Variants in SNX2 observed in about 807,000 individuals in gnomAD.
The protein encoded by SNX2 is sorting nexin-2.
In SNX2, 25 loss-of-function variants were observed where a neutral mutation model predicts 69.9. That is an observed-to-expected ratio of 0.36 (90% confidence interval 0.26 to 0.50). The LOEUF (loss-of-function observed/expected upper bound fraction) is 0.50, where lower values mean the gene tolerates loss of function less well. Among genes scored for constraint, SNX2 ranks in the 20% least tolerant of loss-of-function variants. The pLI is 0.97. For missense variants in SNX2, 551 were observed against 613.3 expected, an observed-to-expected ratio of 0.90 and a Z score of 1.07; for synonymous variants, 229 against 200.4, an observed-to-expected ratio of 1.14 and a Z score of -1.20.
chr5:122,799,000 G>T (rs1753449803), intron 2 of SNX2, among the ~76,000 whole-genome samples: 1 of 152,074 alleles, frequency 6.6e-6, no homozygotes, highest in Non-Finnish European at 1.5e-5. Flanking sequence ...CTGAGGGCAG[G>T]TATGATATTT....
chr5:122,785,898 T>C (rs906231940), intron 1 of SNX2, among the ~76,000 whole-genome samples: 3 of 152,224 alleles, frequency 2.0e-5, no homozygotes, highest in Non-Finnish European at 4.4e-5. Context: ...TCAAGTTGGT[T>C]GATATTTTTC....
At chr5:122,806,797 T>G (rs1753668592) in intron 6 of SNX2, among the ~76,000 whole-genome samples, 1 of 152,056 alleles carries the variant, frequency 6.6e-6, no homozygotes, top group Non-Finnish European at 1.5e-5. Flanking sequence ...GTAGTTGTAG[T>G]TTTAGGTGTC....
In SNX2 at chr5:122,806,142, G is replaced by GCGCACACACACACACACACACACACA; in HGVS notation, c.644-2134_644-2133insGCACACACACACACACACACACACAC. Among the ~76,000 whole-genome samples the GCGCACACACACACACACACACACACA allele has an allele frequency of 1.4e-3, 182 of 130,640 alleles. 1 individual carries two copies. Among genetic ancestry groups the GCGCACACACACACACACACACACACA allele is most frequent in the Non-Finnish European group, 2.2e-3 (137 of 61,008 alleles). 85.7% of individuals were successfully genotyped at this position (130,640 alleles called of 152,430 possible). ...TGTGTATATATATACACACGCGCGC[G>GCGCACACACACACACACACACACACA]CACACACACACACACACACACACAC... On this transcript the variant is annotated intron_variant, in intron 6 of 14. Coordinates refer to ENST00000379516, the MANE Select transcript of SNX2 (RefSeq NM_003100.4).
chr5:122,820,724 A>G (rs530193661), intron 11 of SNX2, among the ~76,000 whole-genome samples: 2 of 152,244 alleles, frequency 1.3e-5, no homozygotes, highest in South Asian at 4.1e-4. Flanking sequence ...AATATTTTCT[A>G]TAGAACACTG....
At chr5:122,786,085 T>C (rs1211593135) in intron 1 of SNX2, among the ~76,000 whole-genome samples, 1 of 152,246 alleles carries the variant, frequency 6.6e-6, no homozygotes, top group East Asian at 1.9e-4. Context: ...TTTGTCTTCT[T>C]GGTAAATTGA....
At chr5:122,823,642 A>C (rs187295004) in intron 11 of SNX2, among the ~76,000 whole-genome samples, 31 of 152,306 alleles carry the variant, frequency 2.0e-4, no homozygotes, top group African/African-American at 6.7e-4. Flanking sequence ...AATGAAGAAA[A>C]GATATGGCCC....
At chr5:122,781,169 A>G (rs1283060071) in intron 1 of SNX2, among the ~76,000 whole-genome samples, 1 of 151,986 alleles carries the variant, frequency 6.6e-6, no homozygotes, top group East Asian at 1.9e-4. Context: ...TCTTGAAGAG[A>G]TTTTCTTAGC....
chr5:122,786,870 A>G (rs1753102994), intron 1 of SNX2, among the ~76,000 whole-genome samples: 1 of 152,030 alleles, frequency 6.6e-6, no homozygotes, highest in Admixed American at 6.6e-5. Flanking sequence ...TCTTGTTTGG[A>G]ATCCAAAGTG....
Position 122,822,413 on chromosome 5 carries a change from C to G in SNX2, c.1212+3390C>G, listed in dbSNP as rs890401897. Reference sequence around the variant, plus strand: ...TTTCTTTTTCTGTGAATGAACTCTTCATGTCCTTTGCCCAGTTTTTGTTTG... The same window carrying G: ...TTTCTTTTTCTGTGAATGAACTCTTGATGTCCTTTGCCCAGTTTTTGTTTG... On this transcript the variant is annotated intron_variant, in intron 11 of 14. Transcript: ENST00000379516. 5.9e-5 allele frequency among the ~76,000 whole-genome samples: 9 copies of G among 152,156 alleles called. No individual in the cohort carries two copies. The South Asian group carries it at 1.9e-3, about 32-fold the overall frequency.
chr5:122,811,006 C>A (rs1186452391), intron 7 of SNX2, among the ~76,000 whole-genome samples: 1 of 152,106 alleles, frequency 6.6e-6, no homozygotes, highest in Non-Finnish European at 1.5e-5. Context: ...TTCATATAGC[C>A]AGCTTTTCTA....
intron 7 of SNX2, among the ~76,000 whole-genome samples, chr5:122,810,641 G>A (rs1753752791): frequency 6.6e-6 from 1 of 152,098 alleles, no homozygotes; most frequent in African/African-American, 2.4e-5. Context: ...GCATTGCATA[G>A]TACTTACCAT....
At chr5:122,801,652 C>CATGTGTGTGTGTGTGTGTGTGT (rs113836294) in intron 3 of SNX2, among the ~76,000 whole-genome samples, 9 of 132,120 alleles carry the variant, frequency 6.8e-5, no homozygotes, top group African/African-American at 2.4e-4. Context: ...TGGTCTTTTT[C>CATGTGTGTGTGTGTGTGTGTGT]GTGTGTGTGT....
At chr5:122,803,122 T>G (rs79198099) in intron 5 of SNX2, among the ~76,000 whole-genome samples, 5,863 of 152,240 alleles carry the variant, frequency 0.039, 184 homozygotes, top group East Asian at 0.1. Flanking sequence ...TAGGGTAAGT[T>G]TGAAGTGCTG....
At chr5:122,828,901 C>G (rs760774423) in intron 14 of SNX2, among the ~76,000 whole-genome samples, 2 of 152,008 alleles carry the variant, frequency 1.3e-5, no homozygotes, top group Non-Finnish European at 2.9e-5. Flanking sequence ...GGTGGATCAC[C>G]TGAGGTCAGG....
In SNX2 at chr5:122,833,489, TTATAA is replaced by T. The variant is rs1754341438; in HGVS notation, c.*3842_*3846del. The stretch of plus-strand genomic sequence containing the variant: ...TAATATGTAATCCAATATATTGAAG[TTATAA>T]GATATTTTACATTCTTTTTTTGATA... On this transcript the variant is annotated 3_prime_UTR_variant, in exon 15 of 15. Transcript: ENST00000379516. 1 of 149,680 alleles carries T rather than the reference TTATAA, an allele frequency of 6.7e-6. No homozygotes were observed. The highest frequency in any genetic ancestry group is 1.5e-5 in the Non-Finnish European group (1 of 68,012). 9.3% of individuals were successfully genotyped at this position (149,680 alleles called of 1,614,324 possible).
intron 1 of SNX2, among the ~76,000 whole-genome samples, chr5:122,779,946 T>A (rs895285492): frequency 3.3e-5 from 5 of 152,070 alleles, no homozygotes; most frequent in African/African-American, 1.2e-4. Flanking sequence ...CTTTAAACAG[T>A]CTGAGGTTAA....
At chr5:122,792,206 A>G (rs1753257454) in intron 1 of SNX2, among the ~76,000 whole-genome samples, 1 of 152,266 alleles carries the variant, frequency 6.6e-6, no homozygotes. Context: ...TGTTCTAAAG[A>G]GATTTTTGTG....
chr5:122,786,367 A>G (rs978757080), intron 1 of SNX2, among the ~76,000 whole-genome samples: 15 of 151,902 alleles, frequency 9.9e-5, no homozygotes, highest in Non-Finnish European at 1.9e-4. Flanking sequence ...GATTAGATCT[A>G]CCGTTTTATT....
intron 11 of SNX2, among the ~76,000 whole-genome samples, chr5:122,822,712 A>G (rs1369482819): frequency 6.6e-6 from 1 of 152,172 alleles, no homozygotes; most frequent in Non-Finnish European, 1.5e-5. Context: ...TAGAACTATA[A>G]GAGTTGGCTG....
Sources: allele counts gnomAD v4.1 joint callset (sites outside exome capture counted in the v4.1 genomes callset), GRCh38; gene constraint gnomAD v4.1.1; transcripts MANE v1.5; gene names NCBI Gene and HGNC (gene_info 2026-07-23, HGNC 2026-07-21).